The following CSMD1 variants were observed in gnomAD, a reference collection of about 807,000 sequenced individuals.
CSMD1 encodes CUB and Sushi multiple domains 1.
CSMD1 carries 213 observed loss-of-function variants against 417.5 expected under a neutral mutation model. The ratio of observed to expected loss-of-function variants is 0.51; its 90% CI spans 0.46 to 0.57. CSMD1 has a LOEUF of 0.57. Ranked by LOEUF, CSMD1 falls within the 20% of genes least tolerant of loss-of-function variation. The pLI, the probability that CSMD1 is intolerant of heterozygous loss-of-function variation, is 0.00. For synonymous variants in CSMD1, 2,862 were observed against 1,736.8 expected (o/e 1.65, Z -16.11); for missense variants, 6,923 against 4,529.7 (o/e 1.53, Z -15.17).
intron 5 of CSMD1, among the ~76,000 whole-genome samples, chr8:3,979,749 G>A (rs1055676267): frequency 3.3e-5 from 5 of 152,208 alleles, no homozygotes; most frequent in African/African-American, 9.6e-5. Context: ...TCTAGCCTCA[G>A]AACTGTGAGA....
chr8:4,645,355 G>C (rs746956617), intron 1 of CSMD1, among the ~76,000 whole-genome samples: 1 of 137,244 alleles, frequency 7.3e-6, no homozygotes, highest in Non-Finnish European at 1.5e-5. Context: ...CACCTACTGA[G>C]AAATTGTTGC....
chr8:3,268,287 CTAT>C (rs1204461624), intron 26 of CSMD1, among the ~76,000 whole-genome samples: 13 of 114,660 alleles, frequency 1.1e-4, no homozygotes, highest in Admixed American at 1.0e-4. Flanking sequence ...GGTTCATTTC[CTAT>C]TTTTTTTTTT....
At chr8:4,100,183 A>G (rs1801233828) in intron 3 of CSMD1, among the ~76,000 whole-genome samples, 2 of 152,116 alleles carry the variant, frequency 1.3e-5, no homozygotes, top group South Asian at 4.2e-4. Context: ...TACTACCACT[A>G]CCTTGGGGAA....
intron 2 of CSMD1, among the ~76,000 whole-genome samples, chr8:4,536,438 T>G (rs969159922): frequency 6.6e-6 from 1 of 152,216 alleles, no homozygotes; most frequent in African/African-American, 2.4e-5. Flanking sequence ...CTCAGCCATT[T>G]GTATACGTGA....
At chr8:3,659,858 C>A (rs1798322387) in intron 7 of CSMD1, among the ~76,000 whole-genome samples, 1 of 152,130 alleles carries the variant, frequency 6.6e-6, no homozygotes. Context: ...ATTTCAACTT[C>A]TTTAGAGAAA....
intron 40 of CSMD1, among the ~76,000 whole-genome samples, chr8:3,146,938 T>G (rs1818883265): frequency 6.6e-6 from 1 of 152,202 alleles, no homozygotes; most frequent in African/African-American, 2.4e-5. Flanking sequence ...CTTATCCAGT[T>G]GTATGGGAAG....
intron 2 of CSMD1, among the ~76,000 whole-genome samples, chr8:4,485,269 G>C (rs1167991315): frequency 6.6e-6 from 1 of 152,136 alleles, no homozygotes; most frequent in Non-Finnish European, 1.5e-5. Context: ...AAACTTGCTT[G>C]GAACGCCTGT....
At chr8:4,951,968 G>A (rs964061654) in intron 1 of CSMD1, among the ~76,000 whole-genome samples, 7 of 151,240 alleles carry the variant, frequency 4.6e-5, no homozygotes, top group African/African-American at 1.2e-4. Context: ...CTCCTTCAGA[G>A]CCAAGCTTCT....
At chr8:3,848,727 CTT>C (rs1370133150) in intron 5 of CSMD1, among the ~76,000 whole-genome samples, 4 of 152,032 alleles carry the variant, frequency 2.6e-5, no homozygotes, top group African/African-American at 9.7e-5. Context: ...ATGCAATGGT[CTT>C]TTAGGTGGTC....
In CSMD1 at chr8:2,978,625, C is replaced by T. The variant is rs765551954; in HGVS notation, c.8553G>A (p.Leu2851=). Residue 2851 remains leucine (L), a synonymous_variant, in exon 55 of 70, where the codon CTG becomes CTA. Transcript: ENST00000635120. The stretch of plus-strand genomic sequence containing the variant: ...ACCCTGACTTACCCAAACACTTGGG[C>T]AGGGATCGGTCCCATAAGCCATTTG... ...CMANGLWDRS[L]PKCLAISCGH... The T allele has an allele frequency of 1.3e-6, 2 of 1,591,558 alleles. No individual in the cohort carries two copies. Among genetic ancestry groups the T allele is most frequent in the South Asian group, 1.1e-5 (1 of 87,136 alleles).
Position 3,187,901 on chromosome 8 carries a change from T to A in CSMD1, c.5588A>T (p.Asp1863Val), listed in dbSNP as rs1166720464. ...GCTTCCCAGTCTGGGTGCGGTCACA[T>A]CCCCACCATCGTGGATCTCAAGGGA... Reference protein sequence around the residue: ...WDSLEIHDGGDVTAPRLGSFS... With the variant: ...WDSLEIHDGGVVTAPRLGSFS... Residue 1863 changes from aspartate to valine, a missense_variant, in exon 36 of 70, where the codon GAT (aspartate) becomes GTT (valine). Transcript: ENST00000635120. 6.2e-7 allele frequency: 1 copy of A among 1,613,042 alleles called. No individual in the cohort carries two copies. The highest frequency in any genetic ancestry group is 8.5e-7 in the Non-Finnish European group (1 of 1,179,576).
At position 3,230,131 on chromosome 8, in the gene CSMD1, G is replaced by T; in HGVS notation, c.4254C>A (p.Asp1418Glu). 6.2e-7 allele frequency: 1 copy of T among 1,613,708 alleles called. No individual in the cohort carries two copies. ...CTTGTCCTTGGAGCTGATAGCCAGG[G>T]TCACACTGGAATGTGACGGTGTCTC... ...EAGDTVTFQC[D>E]PGYQLQGQAK... Residue 1418 changes from aspartate to glutamate, a missense_variant, in exon 27 of 70, where the codon GAC becomes GAA. Coordinates refer to ENST00000635120, the MANE Select transcript of CSMD1 (RefSeq NM_033225.6).
chr8:4,395,024 C>T (rs939627136), intron 3 of CSMD1, among the ~76,000 whole-genome samples: 35 of 152,268 alleles, frequency 2.3e-4, no homozygotes, highest in African/African-American at 7.0e-4. Flanking sequence ...TTTCCCTCTG[C>T]GTGGCATATC....
At chr8:3,277,451 T>G (rs1437367661) in intron 26 of CSMD1, among the ~76,000 whole-genome samples, 1 of 151,866 alleles carries the variant, frequency 6.6e-6, no homozygotes, top group Non-Finnish European at 1.5e-5. Flanking sequence ...AGGGCACAGG[T>G]TGGGAGAATT....
intron 5 of CSMD1, among the ~76,000 whole-genome samples, chr8:3,891,747 C>T (rs1307592071): frequency 6.6e-6 from 1 of 152,064 alleles, no homozygotes; most frequent in Non-Finnish European, 1.5e-5. Flanking sequence ...ATAACACTGA[C>T]TGGAGACTGA....
intron 7 of CSMD1, among the ~76,000 whole-genome samples, chr8:3,707,727 C>T (rs1033872442): frequency 6.6e-6 from 1 of 152,184 alleles, no homozygotes; most frequent in Non-Finnish European, 1.5e-5. Context: ...AGGCTGTTGG[C>T]TTTCAGCTAA....
chr8:4,804,811 C>G (rs1798499943), intron 1 of CSMD1, among the ~76,000 whole-genome samples: 1 of 152,154 alleles, frequency 6.6e-6, no homozygotes, highest in African/African-American at 2.4e-5. Flanking sequence ...GGACCTAATA[C>G]AGATATGATT....
At chr8:3,006,261 G>T (rs370061439) in intron 52 of CSMD1, among the ~76,000 whole-genome samples, 2 of 151,546 alleles carry the variant, frequency 1.3e-5, no homozygotes, top group East Asian at 3.9e-4. Flanking sequence ...CACTGCTCAA[G>T]GAAATAAAAG....
chr8:3,806,011 A>T (rs530516697), intron 5 of CSMD1, among the ~76,000 whole-genome samples: 20 of 152,222 alleles, frequency 1.3e-4, no homozygotes, highest in Non-Finnish European at 2.8e-4. Context: ...ACTGGGGGAG[A>T]CCTGGAGCAG....
Sources: allele counts gnomAD v4.1 joint callset (sites outside exome capture counted in the v4.1 genomes callset), GRCh38; gene constraint gnomAD v4.1.1; transcripts MANE v1.5; gene names NCBI Gene and HGNC (gene_info 2026-07-23, HGNC 2026-07-21).